Variants in NCKAP5 observed in about 807,000 individuals in gnomAD.
NCKAP5 encodes the protein NCK associated protein 5.
A neutral mutation model predicts 167.0 loss-of-function variants in NCKAP5; 92 were observed. That is an observed-to-expected ratio of 0.55 (90% CI 0.47 to 0.66). The LOEUF (loss-of-function observed/expected upper bound fraction) is 0.66. NCKAP5 is among the 30% of genes least tolerant of loss of function. NCKAP5 has a pLI of 0.00. For synonymous variants in NCKAP5, 891 were observed against 877.4 expected, an observed-to-expected ratio of 1.02 and a Z score of -0.27; for missense variants, 2,378 against 2,315.0, an observed-to-expected ratio of 1.03 and a Z score of -0.56.
At chr2:133,397,177 T>C (rs75011629) in intron 3 of NCKAP5, among the ~76,000 whole-genome samples, 166 of 152,330 alleles carry the variant, frequency 1.1e-3, no homozygotes, top group African/African-American at 3.9e-3. Context: ...AATCTCTCTG[T>C]TTAAGACTCT....
At chr2:133,090,109 G>A (rs2081121815) in intron 6 of NCKAP5, among the ~76,000 whole-genome samples, 1 of 151,722 alleles carries the variant, frequency 6.6e-6, no homozygotes, top group East Asian at 1.9e-4. Flanking sequence ...TCTCATGCCT[G>A]TAATCCCAAC....
intron 3 of NCKAP5, among the ~76,000 whole-genome samples, chr2:133,417,038 T>A (rs779709977): frequency 6.6e-6 from 1 of 152,138 alleles, no homozygotes; most frequent in Non-Finnish European, 1.5e-5. Flanking sequence ...TTTTGAAATG[T>A]TGCTTAAAAT....
chr2:133,094,905 T>A (rs573243349), intron 6 of NCKAP5, among the ~76,000 whole-genome samples: 1 of 152,166 alleles, frequency 6.6e-6, no homozygotes, highest in Admixed American at 6.5e-5. Context: ...CCCCTAGAAG[T>A]TTAGAGTAGC....
chr2:132,795,143 A>G lies in NCKAP5; in HGVS notation c.909+1485T>C, dbSNP rs528266159. On this transcript the variant is annotated intron_variant, in intron 12 of 19. Coordinates refer to ENST00000409261, the MANE Select transcript of NCKAP5 (RefSeq NM_207363.3). ...GGAAGACTGAGGCATTGAGGTTTTA[A>G]TACCTTGCCCAAGTTGCCCTATCAA... 3.9e-4 allele frequency among the ~76,000 whole-genome samples: 60 copies of G among 152,290 alleles called. No individual in the cohort carries two copies. The South Asian group carries it at 5.6e-3, about 14-fold the overall frequency.
intron 7 of NCKAP5, among the ~76,000 whole-genome samples, chr2:132,968,646 C>T (rs1488034430): frequency 6.6e-6 from 1 of 152,110 alleles, no homozygotes; most frequent in East Asian, 1.9e-4. Flanking sequence ...AAAAAAGCAC[C>T]TCTACATTTT....
intron 5 of NCKAP5, among the ~76,000 whole-genome samples, chr2:133,177,497 C>T (rs1416110131): frequency 1.3e-5 from 2 of 152,078 alleles, no homozygotes; most frequent in South Asian, 2.1e-4. Flanking sequence ...CAGATGTTCT[C>T]AGAATGCAAA....
At chr2:133,113,963 C>T (rs368441258) in intron 6 of NCKAP5, among the ~76,000 whole-genome samples, 10 of 152,188 alleles carry the variant, frequency 6.6e-5, no homozygotes, top group African/African-American at 2.2e-4. Flanking sequence ...ATGCTTGATT[C>T]GGCCTTCCAG....
intron 5 of NCKAP5, among the ~76,000 whole-genome samples, chr2:133,163,654 T>C (rs1173910255): frequency 2.6e-5 from 4 of 152,346 alleles, no homozygotes; most frequent in East Asian, 3.9e-4. Flanking sequence ...TATCTACCTA[T>C]GCGTTCTTGT....
chr2:132,941,279 T>C (rs1385785880), intron 8 of NCKAP5, among the ~76,000 whole-genome samples: 1 of 152,204 alleles, frequency 6.6e-6, no homozygotes, highest in Non-Finnish European at 1.5e-5. Flanking sequence ...TACCTATCCA[T>C]TCCAGCACTA....
chr2:133,037,335 C>A (rs1010772629), intron 6 of NCKAP5, among the ~76,000 whole-genome samples: 5 of 152,038 alleles, frequency 3.3e-5, no homozygotes, highest in African/African-American at 1.2e-4. Flanking sequence ...TCCAGAATAG[C>A]CAAAGCTATC....
chr2:132,745,938 A>T (rs1679601710), intron 16 of NCKAP5, among the ~76,000 whole-genome samples: 1 of 152,066 alleles, frequency 6.6e-6, no homozygotes, highest in Admixed American at 6.5e-5. Flanking sequence ...TACTGACATA[A>T]ATGGAGAGAT....
At chr2:133,229,304 G>A (rs1574444371) in intron 4 of NCKAP5, among the ~76,000 whole-genome samples, 1 of 152,088 alleles carries the variant, frequency 6.6e-6, no homozygotes. Context: ...CAGTGAGAGA[G>A]AACAAAATAA....
intron 6 of NCKAP5, among the ~76,000 whole-genome samples, chr2:133,116,598 AACTT>A (rs1347117250): frequency 2.0e-5 from 3 of 152,254 alleles, no homozygotes; most frequent in Admixed American, 2.0e-4. Context: ...TGGAAGAAAA[AACTT>A]TAGTAAAACG....
chr2:133,349,738 A>T (rs1016452174), intron 3 of NCKAP5, among the ~76,000 whole-genome samples: 9 of 152,124 alleles, frequency 5.9e-5, no homozygotes, highest in African/African-American at 1.9e-4. Flanking sequence ...AGAGTAGCCC[A>T]TTAGTTTTAT....
chr2:133,349,713 C>T (rs1215614261), intron 3 of NCKAP5, among the ~76,000 whole-genome samples: 1 of 152,142 alleles, frequency 6.6e-6, no homozygotes, highest in Non-Finnish European at 1.5e-5. Context: ...TTGGGAAGCA[C>T]AAAGAAATAA....
At chr2:132,877,750 T>C (rs1311136658) in intron 9 of NCKAP5, among the ~76,000 whole-genome samples, 2 of 152,146 alleles carry the variant, frequency 1.3e-5, no homozygotes, top group African/African-American at 2.4e-5. Context: ...CATTGACTTC[T>C]GAGACAGTGC....
intron 7 of NCKAP5, among the ~76,000 whole-genome samples, chr2:132,989,357 TGTGA>T (rs1249461258): frequency 6.6e-6 from 1 of 152,194 alleles, no homozygotes; most frequent in Non-Finnish European, 1.5e-5. Flanking sequence ...GAAATGGTGG[TGTGA>T]GTGACACAAA....
At chr2:133,283,968 A>C (rs1010328294) in intron 4 of NCKAP5, among the ~76,000 whole-genome samples, 32 of 152,158 alleles carry the variant, frequency 2.1e-4, no homozygotes, top group African/African-American at 7.7e-4. Context: ...CAGTGATCAA[A>C]TGATTTCCTC....
At position 132,783,870 on chromosome 2, in the gene NCKAP5, C is replaced by G. The variant is rs1683295175; in HGVS notation, c.2941G>C (p.Val981Leu). The G allele has an allele frequency of 3.3e-6, 5 of 1,532,022 alleles. No individual in the cohort carries two copies. The highest frequency in any genetic ancestry group is 4.4e-6 in the Non-Finnish European group (5 of 1,142,136). 94.9% of individuals were successfully genotyped at this position (1,532,022 alleles called of 1,614,324 possible). The change falls in exon 14 of 20, where the codon GTT becomes CTT. Residue 981 changes from valine to leucine, a missense_variant. By Grantham distance (32) the Val-to-Leu change is conservative (BLOSUM62 1). Transcript: ENST00000409261. The part of the protein sequence containing the change: ...SPLLKGISAP[V>L]ISSNPATTEV... The stretch of plus-strand genomic sequence containing the variant: ...GTCGTGGCCGGATTAGAAGAAATAA[C>G]TGGAGCAGAAATTCCTTTCAGCAGC...
Sources: gnomAD v4.1 joint callset for allele counts (sites outside exome capture counted in the v4.1 genomes callset) on GRCh38, gnomAD v4.1.1 for gene constraint, MANE v1.5 for transcripts, NCBI Gene and HGNC (gene_info 2026-07-23, HGNC 2026-07-21) for gene names.